The following NIPA1 variants were observed in gnomAD, a reference collection of about 807,000 sequenced individuals.
The protein encoded by NIPA1 is magnesium transporter NIPA1.
In NIPA1, 13 loss-of-function variants were observed where a neutral mutation model predicts 23.9. That is an observed-to-expected ratio of 0.54 (90% CI 0.35 to 0.87). NIPA1 has a LOEUF of 0.87. Among genes scored for constraint, NIPA1 ranks in the 40% least tolerant of loss-of-function variants. The pLI, the probability that NIPA1 is intolerant of heterozygous loss-of-function variation, is 0.01. For synonymous variants in NIPA1, 234 were observed against 202.9 expected (o/e 1.15, Z -1.30); for missense variants, 362 against 429.7 (o/e 0.84, Z 1.39).
intron 1 of NIPA1, among the ~76,000 whole-genome samples, chr15:22,796,584 G>A (rs1328512384): frequency 5.9e-5 from 9 of 151,928 alleles, no homozygotes; most frequent in African/African-American, 1.2e-4. Context: ...GATTCCAGGC[G>A]TGAGCCACTA....
chr15:22,820,600 T>G (rs1895517574), intron 4 of NIPA1, 127 bp downstream of exon 4: 1 of 790,430 alleles, frequency 1.3e-6, no homozygotes, highest in Admixed American at 1.7e-5. Context: ...GATCTGTTAC[T>G]GTAGATCTGT....
At chr15:22,791,634 C>T (rs2140847178) in intron 1 of NIPA1, among the ~76,000 whole-genome samples, 1 of 152,088 alleles carries the variant, frequency 6.6e-6, no homozygotes, top group South Asian at 2.1e-4. Flanking sequence ...CAGGCGTCCG[C>T]CACCACACCT....
chr15:22,800,478 C>A (rs1177514546), intron 1 of NIPA1, among the ~76,000 whole-genome samples: 1 of 152,080 alleles, frequency 6.6e-6, no homozygotes, highest in East Asian at 1.9e-4. Context: ...TGGTACAGCT[C>A]TTTATCATGT....
rs537654615 is a variant in NIPA1 at position 22,819,073 on chromosome 15, T to C, written c.318-1240T>C. On this transcript the variant is annotated intron_variant, in intron 3 of 4. Coordinates refer to ENST00000337435, the MANE Select transcript of NIPA1 (RefSeq NM_144599.5). ...GTGTATTCATGTCTTTTGTTGTTTC[T>C]TTCAGTGATGTTGCTTATTTCCCCA... Among the ~76,000 whole-genome samples the C allele has an allele frequency of 7.7e-4, 118 of 152,288 alleles. 1 individual carries two copies. The highest frequency in any genetic ancestry group is 2.8e-3 in the African/African-American group (117 of 41,564).
At chr15:22,791,929 G>C (rs1172641111) in intron 1 of NIPA1, among the ~76,000 whole-genome samples, 1 of 152,132 alleles carries the variant, frequency 6.6e-6, no homozygotes, top group Non-Finnish European at 1.5e-5. Context: ...CTACAGCATA[G>C]GCTCGGATGG....
chr15:22,788,310 G>C (rs1054902927), intron 1 of NIPA1, among the ~76,000 whole-genome samples: 13,192 of 151,808 alleles, frequency 0.087, 1,348 homozygotes, highest in African/African-American at 0.25. Flanking sequence ...GACCATCCTG[G>C]CTAACACGAC....
At chr15:22,795,508 A>G (rs993344611) in intron 1 of NIPA1, among the ~76,000 whole-genome samples, 3 of 152,096 alleles carry the variant, frequency 2.0e-5, no homozygotes, top group African/African-American at 7.2e-5. Context: ...CTTGCTGAGC[A>G]TTGCTGTCTC....
At chr15:22,802,950 AC>A (rs1346234065) in intron 1 of NIPA1, among the ~76,000 whole-genome samples, 1 of 151,232 alleles carries the variant, frequency 6.6e-6, no homozygotes, top group Non-Finnish European at 1.5e-5. Context: ...CTGTTGATGA[AC>A]TTTTTTTTTT....
chr15:22,791,589 T>C (rs1047605934), intron 1 of NIPA1, among the ~76,000 whole-genome samples: 3 of 145,394 alleles, frequency 2.1e-5, no homozygotes, highest in African/African-American at 7.6e-5. Context: ...GTTCAAGCGA[T>C]TCTCCTGCCT....
chr15:22,823,875 T>A lies in NIPA1; in HGVS notation c.626T>A (p.Ile209Asn). Residue 209 changes from isoleucine to asparagine, a missense_variant, in exon 5 of 5, where the codon ATC (isoleucine) becomes AAC (asparagine). By Grantham distance (149) the Ile-to-Asn change is moderately radical. This residue lies in a region of NIPA1 where 277 missense variants were observed against 372.0 expected (regional missense o/e 0.74). Transcript: ENST00000337435. ...GSFTVPSTKG[I>N]GLAAQDILHN... ...TTCACCGTGCCTTCCACCAAGGGCA[T>A]CGGGCTGGCGGCCCAAGACATCTTG... is the stretch of plus-strand genomic sequence containing the variant. 1 of 1,614,168 alleles carries A rather than the reference T, an allele frequency of 6.2e-7. No individual in the cohort carries two copies. Among genetic ancestry groups the A allele is most frequent in the Non-Finnish European group, 8.5e-7 (1 of 1,179,988 alleles).
At chr15:22,821,231 C>T (rs999314700) in intron 4 of NIPA1, among the ~76,000 whole-genome samples, 9 of 152,158 alleles carry the variant, frequency 5.9e-5, no homozygotes, top group Non-Finnish European at 1.3e-4. Context: ...TTCCAAAGTG[C>T]TGGGATTACA....
chr15:22,798,012 T>C (rs1894978153), intron 1 of NIPA1, among the ~76,000 whole-genome samples: 1 of 151,294 alleles, frequency 6.6e-6, no homozygotes. Flanking sequence ...GCCCGGCTAA[T>C]TTCTTTTTGT....
chr15:22,786,691 CG>C lies in NIPA1; in HGVS notation c.37del (p.Ala13ArgfsTer29). On this transcript the variant is annotated frameshift_variant, in exon 1 of 5. Coordinates refer to ENST00000337435, the MANE Select transcript of NIPA1 (RefSeq NM_144599.5). LOFTEE classifies it high-confidence loss of function. Reference protein sequence around the residue: ...GTAAAAAAAAAAAAAGEGARS... With the variant: ...GTAAAAAAAAXAAAAGEGARS... ...GCAGCTGCGGCAGCGGCGGCGGCGGCGGCGGCGGCGGCCGGGGAGGGGGCGC... is the reference window on the plus strand; with the variant it reads ...GCAGCTGCGGCAGCGGCGGCGGCGGCGCGGCGGCGGCCGGGGAGGGGGCGC... 1 of 1,110,512 alleles carries C rather than the reference CG, an allele frequency of 9.0e-7. No individual in the cohort carries two copies. The allele number at this position is 1,110,512 out of a possible 1,614,324, so 68.8% of individuals were successfully genotyped here.
intron 1 of NIPA1, among the ~76,000 whole-genome samples, chr15:22,787,169 C>T (rs1894726345): frequency 6.6e-6 from 1 of 152,078 alleles, no homozygotes; most frequent in Non-Finnish European, 1.5e-5. Flanking sequence ...CGGTCCAAGA[C>T]CTGCCCCGCG....
intron 1 of NIPA1, among the ~76,000 whole-genome samples, chr15:22,796,979 G>T (rs927316238): frequency 1.3e-5 from 2 of 151,878 alleles, no homozygotes; most frequent in African/African-American, 2.4e-5. Context: ...AGAAAATGGT[G>T]GTTCGGAAAG....
At position 22,827,207 on chromosome 15, in the gene NIPA1, G is replaced by A. The variant is rs557676596; in HGVS notation, c.*2968G>A. On this transcript the variant is annotated 3_prime_UTR_variant, in exon 5 of 5. Transcript: ENST00000337435. ...ATTTCTCTTGATAGATACTTAAATA[G>A]GCTATTTCTCTCCTCTTCTTGGGCA... 7.9e-5 allele frequency: 12 copies of A among 152,202 alleles called. No homozygotes were observed. Among genetic ancestry groups the A allele is most frequent in the African/African-American group, 1.2e-4 (5 of 41,502 alleles). 9.4% of individuals were successfully genotyped at this position (152,202 alleles called of 1,614,324 possible).
At chr15:22,798,580 G>A (rs1399972905) in intron 1 of NIPA1, among the ~76,000 whole-genome samples, 1 of 149,000 alleles carries the variant, frequency 6.7e-6, no homozygotes, top group African/African-American at 2.5e-5. Context: ...AGGGTGCACT[G>A]GCTCATGTCT....
intron 3 of NIPA1, chr15:22,813,642 CA>C (rs1176715720): frequency 2.2e-6 from 1 of 455,810 alleles, no homozygotes; most frequent in African/African-American, 2.0e-5. Context: ...GACAGATGCC[CA>C]AATCCTTGCA....
At chr15:22,814,988 G>A (rs1345560698) in intron 3 of NIPA1, among the ~76,000 whole-genome samples, 6 of 152,134 alleles carry the variant, frequency 3.9e-5, no homozygotes, top group Admixed American at 2.0e-4. Flanking sequence ...CCAGATGCCA[G>A]TAGCACTCAA....
Sources: allele counts gnomAD v4.1 joint callset (sites outside exome capture counted in the v4.1 genomes callset), GRCh38; gene constraint gnomAD v4.1.1; regional missense constraint gnomAD v4.1.1; transcripts MANE v1.5; gene names NCBI Gene and HGNC (gene_info 2026-07-23, HGNC 2026-07-21).